The following C2CD5 variants were observed in gnomAD, a reference collection of about 807,000 sequenced individuals.
C2CD5 encodes C2 domain-containing protein 5.
C2CD5 carries 109 observed loss-of-function variants against 130.3 expected under a neutral mutation model. That is an observed-to-expected ratio of 0.84 (90% CI 0.72 to 0.98). The LOEUF (loss-of-function observed/expected upper bound fraction) is 0.98, where lower values mean the gene tolerates loss of function less well. Among genes scored for constraint, C2CD5 ranks in the 50% least tolerant of loss-of-function variants. The probability of loss-of-function intolerance (pLI) is 0.00; values close to 1 mark genes in which losing one functional copy is unlikely to be tolerated. For synonymous variants in C2CD5, 454 were observed against 429.2 expected (o/e 1.06, Z -0.71); for missense variants, 996 against 1,261.8 (o/e 0.79, Z 3.19).
intron 9 of C2CD5, chr12:22,512,693 T>C: frequency 6.8e-7 from 1 of 1,478,374 alleles, no homozygotes; most frequent in Non-Finnish European, 8.9e-7. Context: ...AGCAATGAAG[T>C]TTATTTAAAA....
intron 2 of C2CD5, among the ~76,000 whole-genome samples, chr12:22,539,757 G>A (rs150191554): frequency 3.2e-4 from 48 of 152,216 alleles, no homozygotes; most frequent in African/African-American, 1.1e-3. Context: ...ACTTTGGGAG[G>A]CCAATGTGGG....
rs1942737785 is a variant in C2CD5 at position 22,469,861 on chromosome 12, T to A, written c.2447-66A>T. The A allele has an allele frequency of 7.3e-6, 7 of 958,184 alleles. No homozygotes were observed. In the South Asian group the frequency reaches 1.1e-4, roughly 15 times the overall value. 59.4% of individuals were successfully genotyped at this position (958,184 alleles called of 1,614,324 possible). On this transcript the variant is annotated intron_variant, in intron 21 of 26. Coordinates refer to ENST00000446597, the MANE Select transcript of C2CD5 (RefSeq NM_001286176.2). ...ATTATTAATTTTTTAAAATTAAGAATCTGTGACAACATACATATACATATT... is the reference window on the plus strand; with the variant it reads ...ATTATTAATTTTTTAAAATTAAGAAACTGTGACAACATACATATACATATT...
intron 7 of C2CD5, among the ~76,000 whole-genome samples, chr12:22,520,593 TTATTTC>T (rs1315174047): frequency 6.6e-6 from 1 of 152,164 alleles, no homozygotes; most frequent in African/African-American, 2.4e-5. Context: ...GTTTTTGTTT[TTATTTC>T]TCCACTGAAG....
At chr12:22,518,269 G>A in intron 7 of C2CD5, 132 bp from the exon 8 acceptor site, 2 of 795,154 alleles carry the variant, frequency 2.5e-6, no homozygotes, top group Non-Finnish European at 4.3e-6. Flanking sequence ...AGCTGGGAAT[G>A]AGGCCAAAGA....
intron 14 of C2CD5, among the ~76,000 whole-genome samples, chr12:22,478,886 C>A (rs1052069938): frequency 6.6e-6 from 1 of 151,816 alleles, no homozygotes; most frequent in African/African-American, 2.4e-5. Context: ...AGAATGTGAT[C>A]TTTGCTCATT....
chr12:22,513,245 C>T, intron 9 of C2CD5, 49 bp downstream of exon 9: 1 of 1,272,428 alleles, frequency 7.9e-7, no homozygotes. Flanking sequence ...CATAAGATAA[C>T]AAAGTCATAT....
At chr12:22,489,665 C>T (rs1484817997) in intron 12 of C2CD5, among the ~76,000 whole-genome samples, 2 of 151,952 alleles carry the variant, frequency 1.3e-5, no homozygotes, top group African/African-American at 2.4e-5. Flanking sequence ...CCTATGGACA[C>T]GGAAGGACCA....
chr12:22,472,433 T>A (rs1476797584), intron 17 of C2CD5, 86 bp from the exon 18 acceptor site: 1 of 754,586 alleles, frequency 1.3e-6, no homozygotes, highest in Non-Finnish European at 2.2e-6. Context: ...TTATATGAAG[T>A]TCTAACTATA....
At chr12:22,488,642 G>GA (rs1341484694) in intron 12 of C2CD5, among the ~76,000 whole-genome samples, 2 of 151,980 alleles carry the variant, frequency 1.3e-5, no homozygotes, top group Non-Finnish European at 2.9e-5. Context: ...CACTGACAAA[G>GA]AGAGTTTCCT....
In C2CD5 at chr12:22,471,487, C is replaced by T; in HGVS notation, c.2270G>A (p.Ser757Asn). The change falls in exon 20 of 27, where the codon AGC becomes AAC. Residue 757 changes from serine to asparagine, a missense_variant and splice_region_variant. Coordinates refer to ENST00000446597, the MANE Select transcript of C2CD5 (RefSeq NM_001286176.2). Reference protein sequence around the residue: ...FNDLCENLLKSLYFKLRSMIP... With the variant: ...FNDLCENLLKNLYFKLRSMIP... ...CATAGATCGTAGTTTAAAGTACAGG[C>T]TCTACACAATAGAAAATATTAGTAA... 1 of 1,542,724 alleles carries T rather than the reference C, an allele frequency of 6.5e-7. No individual in the cohort carries two copies. Among genetic ancestry groups the T allele is most frequent in the South Asian group, 1.2e-5 (1 of 81,294 alleles).
In C2CD5 at chr12:22,517,681, T is replaced by C. The variant is rs532939862; in HGVS notation, c.952+305A>G. ...GCAAGCCACTAGTGTTACTTTTTAGTCAAAATGTTTTAAGATGTTATTCCT... is the reference window on the plus strand; with the variant it reads ...GCAAGCCACTAGTGTTACTTTTTAGCCAAAATGTTTTAAGATGTTATTCCT... On this transcript the variant is annotated intron_variant, in intron 8 of 26. Transcript: ENST00000446597. 2.6e-5 allele frequency among the ~76,000 whole-genome samples: 4 copies of C among 152,304 alleles called. No homozygotes were observed. In the East Asian group the frequency reaches 7.7e-4, roughly 29 times the overall value.
At chr12:22,523,815 A>G (rs1950485463) in intron 6 of C2CD5, among the ~76,000 whole-genome samples, 191 bp from the exon 7 acceptor site, 4 of 151,454 alleles carry the variant, frequency 2.6e-5, no homozygotes, top group African/African-American at 2.4e-5. Flanking sequence ...ACAATATAGC[A>G]TAATTATAAA....
At chr12:22,510,153 T>C (rs6487308) in intron 9 of C2CD5, among the ~76,000 whole-genome samples, 24,150 of 151,842 alleles carry the variant, frequency 0.16, 3,827 homozygotes, top group African/African-American at 0.41. Context: ...TGCAGTGAGC[T>C]GAGATCATGC....
chr12:22,452,983 T>G (rs1939024328), intron 26 of C2CD5, among the ~76,000 whole-genome samples: 1 of 152,238 alleles, frequency 6.6e-6, no homozygotes, highest in Non-Finnish European at 1.5e-5. Context: ...TCACTTTCAC[T>G]ATAAGATAAT....
chr12:22,469,672 C>A, intron 22 of C2CD5, 37 bp downstream of exon 22: 1 of 1,303,576 alleles, frequency 7.7e-7, no homozygotes, highest in Non-Finnish European at 1.1e-6. Flanking sequence ...AACTAGAAAC[C>A]AGGATTTGTG....
At chr12:22,472,677 A>G (rs1591988504) in intron 17 of C2CD5, 67 bp downstream of exon 17, 2 of 913,806 alleles carry the variant, frequency 2.2e-6, no homozygotes, top group East Asian at 4.8e-5. Context: ...TTAGTACTGT[A>G]ACAATTATGA....
At chr12:22,451,713 G>A (rs1938653342) in intron 26 of C2CD5, among the ~76,000 whole-genome samples, 1 of 151,806 alleles carries the variant, frequency 6.6e-6, no homozygotes, top group African/African-American at 2.4e-5. Flanking sequence ...AAAAAGCACA[G>A]TTCATTTGGA....
chr12:22,483,993 T>C (rs2136326206), intron 13 of C2CD5, among the ~76,000 whole-genome samples: 1 of 152,270 alleles, frequency 6.6e-6, no homozygotes, highest in South Asian at 2.1e-4. Flanking sequence ...TAGATCTATA[T>C]AAGTTGATGA....
At position 22,471,360 on chromosome 12, in the gene C2CD5, G is replaced by T. The variant is rs774080886; in HGVS notation, c.2358+39C>A. ...AACAGATAATGAAAATAATAAAACA[G>T]ATCAGATAAAGACTAATAATGGACT... On this transcript the variant is annotated intron_variant, in intron 20 of 26. Coordinates refer to ENST00000446597, the MANE Select transcript of C2CD5 (RefSeq NM_001286176.2). 6 of 1,056,938 alleles carry T rather than the reference G, an allele frequency of 5.7e-6. No individual in the cohort carries two copies. In the African/African-American group the frequency reaches 9.5e-5, roughly 17 times the overall value. The allele number at this position is 1,056,938 out of a possible 1,614,324, so 65.5% of individuals were successfully genotyped here.
Sources: allele counts gnomAD v4.1 joint callset (sites outside exome capture counted in the v4.1 genomes callset), GRCh38; gene constraint gnomAD v4.1.1; transcripts MANE v1.5; gene names NCBI Gene and HGNC (gene_info 2026-07-23, HGNC 2026-07-21).